Variants in FHIT observed in about 807,000 individuals in gnomAD.
The protein encoded by FHIT is fragile histidine triad diadenosine triphosphatase, also known as bis(5'-adenosyl)-triphosphatase.
Under a neutral mutation model 17.9 loss-of-function variants are expected in FHIT, and 19 were observed. The observed-to-expected ratio is 1.06, with a 90% CI of 0.74 to 1.56. The LOEUF (loss-of-function observed/expected upper bound fraction) is 1.56, where lower values mean the gene tolerates loss of function less well. Among genes scored for constraint, FHIT ranks in the 40% most tolerant of loss-of-function variants. The probability of loss-of-function intolerance (pLI) is 0.00; values close to 1 mark genes in which losing one functional copy is unlikely to be tolerated. For missense variants in FHIT, 248 were observed against 189.2 expected, an observed-to-expected ratio of 1.31 and a Z score of -1.82; for synonymous variants, 81 against 69.7, an observed-to-expected ratio of 1.16 and a Z score of -0.81.
At chr3:60,163,893 C>G (rs377233635) in intron 5 of FHIT, among the ~76,000 whole-genome samples, 1 of 152,160 alleles carries the variant, frequency 6.6e-6, no homozygotes, top group African/African-American at 2.4e-5. Context: ...TCCTTATCTT[C>G]AGAGCACTGG....
At chr3:59,831,933 A>G (rs919811260) in intron 8 of FHIT, among the ~76,000 whole-genome samples, 4 of 152,140 alleles carry the variant, frequency 2.6e-5, no homozygotes, top group African/African-American at 9.7e-5. Context: ...GTGTGTGTGT[A>G]TTGCAGCCAT....
intron 5 of FHIT, among the ~76,000 whole-genome samples, chr3:60,116,798 T>A (rs961091304): frequency 2.0e-5 from 3 of 152,158 alleles, no homozygotes; most frequent in African/African-American, 7.2e-5. Context: ...TCTGTTGATA[T>A]GAAAATTTTT....
intron 5 of FHIT, among the ~76,000 whole-genome samples, chr3:60,057,852 G>A (rs1340989100): frequency 6.6e-6 from 1 of 152,076 alleles, no homozygotes; most frequent in Non-Finnish European, 1.5e-5. Context: ...ATAAACCCCT[G>A]GTTTTACATA....
intron 1 of FHIT, among the ~76,000 whole-genome samples, chr3:61,210,285 C>T (rs1217192870): frequency 6.6e-6 from 1 of 152,216 alleles, no homozygotes; most frequent in Non-Finnish European, 1.5e-5. Context: ...TCTGCCCATT[C>T]TCAGATCTCA....
At chr3:60,866,921 T>C (rs1173928290) in intron 3 of FHIT, among the ~76,000 whole-genome samples, 1 of 152,174 alleles carries the variant, frequency 6.6e-6, no homozygotes, top group East Asian at 1.9e-4. Context: ...CATTGACTGT[T>C]GAAATTGTTT....
intron 5 of FHIT, among the ~76,000 whole-genome samples, chr3:60,337,332 C>T (rs1445448434): frequency 1.3e-5 from 2 of 152,022 alleles, no homozygotes; most frequent in South Asian, 2.1e-4. Flanking sequence ...CTTCTGGAAT[C>T]TGAAAAACTC....
At chr3:60,308,529 T>TGC (rs1708792235) in intron 5 of FHIT, among the ~76,000 whole-genome samples, 1 of 137,136 alleles carries the variant, frequency 7.3e-6, no homozygotes, top group Non-Finnish European at 1.6e-5. Context: ...TATATATATA[T>TGC]GCCTCTCAAA....
chr3:60,235,034 T>C (rs1704695642), intron 5 of FHIT, among the ~76,000 whole-genome samples: 1 of 152,074 alleles, frequency 6.6e-6, no homozygotes, highest in Non-Finnish European at 1.5e-5. Flanking sequence ...GAACAAGGTG[T>C]AACTTCTCAA....
chr3:60,661,009 AT>A (rs751421427), intron 4 of FHIT, among the ~76,000 whole-genome samples: 2 of 151,970 alleles, frequency 1.3e-5, no homozygotes, highest in Non-Finnish European at 2.9e-5. Context: ...TTTGTGGATT[AT>A]GCCTTTGGTG....
At chr3:60,715,980 G>T (rs1264371129) in intron 4 of FHIT, among the ~76,000 whole-genome samples, 1 of 152,124 alleles carries the variant, frequency 6.6e-6, no homozygotes, top group Non-Finnish European at 1.5e-5. Context: ...GCTGAGCACG[G>T]TGGCTCATGC....
At chr3:60,238,846 TC>T (rs764031219) in intron 5 of FHIT, among the ~76,000 whole-genome samples, 3 of 152,088 alleles carry the variant, frequency 2.0e-5, no homozygotes, top group Non-Finnish European at 4.4e-5. Context: ...CCAAAAAGAT[TC>T]CCCATGACTG....
intron 2 of FHIT, among the ~76,000 whole-genome samples, chr3:61,095,046 G>A (rs747959698): frequency 2.0e-5 from 3 of 152,180 alleles, no homozygotes; most frequent in Non-Finnish European, 4.4e-5. Flanking sequence ...ATACTGCAAT[G>A]GAAGTATTTG....
At chr3:60,668,072 T>C (rs535797322) in intron 4 of FHIT, among the ~76,000 whole-genome samples, 2 of 152,190 alleles carry the variant, frequency 1.3e-5, no homozygotes, top group African/African-American at 4.8e-5. Context: ...TTTTTGTGGT[T>C]GCATCCTTGT....
chr3:60,352,259 G>T (rs866225651), intron 5 of FHIT, among the ~76,000 whole-genome samples: 1 of 152,146 alleles, frequency 6.6e-6, no homozygotes, highest in Non-Finnish European at 1.5e-5. Context: ...TATGCTAGGA[G>T]ATTTTAAGCA....
At chr3:60,981,100 A>G (rs1376340720) in intron 3 of FHIT, among the ~76,000 whole-genome samples, 1 of 152,154 alleles carries the variant, frequency 6.6e-6, no homozygotes, top group African/African-American at 2.4e-5. Flanking sequence ...TCTGCAAGGC[A>G]GCAGCAGCCC....
At chr3:60,621,389 T>A (rs1229677853) in intron 4 of FHIT, among the ~76,000 whole-genome samples, 1 of 152,012 alleles carries the variant, frequency 6.6e-6, no homozygotes, top group Admixed American at 6.6e-5. Context: ...GACCTCATGA[T>A]CTGCCCGCCT....
At chr3:60,208,002 C>T (rs866116641) in intron 5 of FHIT, among the ~76,000 whole-genome samples, 1 of 152,170 alleles carries the variant, frequency 6.6e-6, no homozygotes, top group Non-Finnish European at 1.5e-5. Flanking sequence ...AGATATCCAA[C>T]AAACAATGAG....
At chr3:60,539,379 G>C (rs1299736327) in intron 4 of FHIT, among the ~76,000 whole-genome samples, 5 of 152,212 alleles carry the variant, frequency 3.3e-5, no homozygotes, top group Admixed American at 2.6e-4. Context: ...GTGGAAGACA[G>C]TGTGGTGATT....
At chr3:61,211,161 T>C (rs554733635) in intron 1 of FHIT, among the ~76,000 whole-genome samples, 82 of 151,788 alleles carry the variant, frequency 5.4e-4, no homozygotes, top group African/African-American at 1.9e-3. Context: ...CGCAGGACAG[T>C]GGTTGCAGAG....
Sources: allele counts gnomAD v4.1 joint callset (sites outside exome capture counted in the v4.1 genomes callset), GRCh38; gene constraint gnomAD v4.1.1; transcripts MANE v1.5; gene names NCBI Gene and HGNC (gene_info 2026-07-23, HGNC 2026-07-21).